NDFIP1: variants seen among roughly 807,000 people sequenced by gnomAD.
NDFIP1 encodes NEDD4 family-interacting protein 1.
In NDFIP1, 7 loss-of-function variants were observed where a neutral mutation model predicts 28.8. That is an observed-to-expected ratio of 0.24 (90% CI 0.14 to 0.46). NDFIP1 has a LOEUF of 0.46. Ranked by LOEUF, NDFIP1 falls within the 20% of genes least tolerant of loss-of-function variation. The pLI, the probability that NDFIP1 is intolerant of heterozygous loss-of-function variation, is 0.99. For missense variants in NDFIP1, 194 were observed against 269.1 expected, an observed-to-expected ratio of 0.72 and a Z score of 1.95; for synonymous variants, 92 against 101.0, an observed-to-expected ratio of 0.91 and a Z score of 0.53.
At chr5:142,131,981 AG>A (rs2126917802) in intron 2 of NDFIP1, 86 bp downstream of exon 2, 1 of 1,313,654 alleles carries the variant, frequency 7.6e-7, no homozygotes, top group East Asian at 2.4e-5. Flanking sequence ...AAGCTTCAGA[AG>A]CAGTTGGAAG....
chr5:142,139,963 TAAAA>T (rs1002240920), intron 5 of NDFIP1, among the ~76,000 whole-genome samples: 1 of 152,150 alleles, frequency 6.6e-6, no homozygotes, highest in African/African-American at 2.4e-5. Flanking sequence ...AAATGTTTTC[TAAAA>T]AAACCAATTT....
chr5:142,141,159 G>A (rs940196999), intron 6 of NDFIP1, among the ~76,000 whole-genome samples: 3 of 144,566 alleles, frequency 2.1e-5, no homozygotes, highest in Non-Finnish European at 3.0e-5. Context: ...TTTACAATAG[G>A]CAAGAGGACT....
chr5:142,151,564 T>G (rs1442001078), intron 7 of NDFIP1, among the ~76,000 whole-genome samples, 167 bp from the exon 8 acceptor site: 1 of 152,226 alleles, frequency 6.6e-6, no homozygotes, highest in Non-Finnish European at 1.5e-5. Context: ...AGAACTGAAA[T>G]TTTAATGTTT....
At chr5:142,122,620 C>T (rs1015149414) in intron 1 of NDFIP1, among the ~76,000 whole-genome samples, 35 of 152,122 alleles carry the variant, frequency 2.3e-4, no homozygotes, top group African/African-American at 6.3e-4. Flanking sequence ...TAGTGTAGTG[C>T]GAGAATTCTG....
chr5:142,116,355 T>TC (rs1182866365), intron 1 of NDFIP1, among the ~76,000 whole-genome samples: 1 of 52,388 alleles, frequency 1.9e-5, no homozygotes, highest in African/African-American at 1.5e-4. Flanking sequence ...TCCTTCTTTC[T>TC]CTCTCTCTCT....
intron 1 of NDFIP1, among the ~76,000 whole-genome samples, chr5:142,130,282 T>G (rs987881022): frequency 6.6e-6 from 1 of 152,206 alleles, no homozygotes; most frequent in Admixed American, 6.5e-5. Context: ...CTATACAGAC[T>G]AGCAACAGCA....
chr5:142,109,803 C>T (rs183866631), intron 1 of NDFIP1, among the ~76,000 whole-genome samples: 13 of 152,174 alleles, frequency 8.5e-5, no homozygotes, highest in African/African-American at 3.1e-4. Flanking sequence ...AAAAGAGCTG[C>T]TTGTTTCACT....
chr5:142,137,070 CAAAA>C lies in NDFIP1; in HGVS notation c.371-645_371-642del, dbSNP rs56227585. ...TGGGTGACAGAGTGAGACTCAGTCT[CAAAA>C]AAAAAAAAAAAAAAAAAAGCAGAGG... On this transcript the variant is annotated intron_variant, in intron 4 of 7. Transcript: ENST00000253814. Among the ~76,000 whole-genome samples, 588 of 94,998 alleles carry C rather than the reference CAAAA, an allele frequency of 6.2e-3. 4 individuals carry two copies. The highest frequency in any genetic ancestry group is 0.021 in the African/African-American group (533 of 24,800). 62.3% of individuals were successfully genotyped at this position (94,998 alleles called of 152,430 possible).
At chr5:142,146,023 A>C (rs1255645408) in intron 7 of NDFIP1, among the ~76,000 whole-genome samples, 1 of 152,224 alleles carries the variant, frequency 6.6e-6, no homozygotes, top group Non-Finnish European at 1.5e-5. Flanking sequence ...AGGCAACAGA[A>C]TCATATAATG....
intron 1 of NDFIP1, among the ~76,000 whole-genome samples, chr5:142,120,522 G>C (rs1757113124): frequency 6.6e-6 from 1 of 152,116 alleles, no homozygotes. Context: ...CCTGTTGCTT[G>C]TAAGTTTTTT....
chr5:142,136,506 G>A (rs1229363912), intron 4 of NDFIP1, among the ~76,000 whole-genome samples: 1 of 152,124 alleles, frequency 6.6e-6, no homozygotes, highest in Non-Finnish European at 1.5e-5. Flanking sequence ...TATAATCCCA[G>A]CACTTTGGGA....
In NDFIP1 at chr5:142,108,901, C is replaced by A; in HGVS notation, c.-74C>A. 1 of 1,309,500 alleles carries A rather than the reference C, an allele frequency of 7.6e-7. No individual in the cohort carries two copies. Among genetic ancestry groups the A allele is most frequent in the African/African-American group, 1.5e-5 (1 of 64,968 alleles). 81.1% of individuals were successfully genotyped at this position (1,309,500 alleles called of 1,614,324 possible). On this transcript the variant is annotated 5_prime_UTR_variant, in exon 1 of 8. Transcript: ENST00000253814. ...GCGCGTCCCCCTCGGCCTCCCAGCG[C>A]TCCCAAGCCGCAGCGGCCGCGCCCC...
At chr5:142,124,097 T>C (rs1294998826) in intron 1 of NDFIP1, among the ~76,000 whole-genome samples, 1 of 152,192 alleles carries the variant, frequency 6.6e-6, no homozygotes, top group Non-Finnish European at 1.5e-5. Context: ...CAAAGGCTCT[T>C]GGCTGTAGGT....
chr5:142,135,362 TA>T (rs1417205283), intron 3 of NDFIP1, among the ~76,000 whole-genome samples: 2 of 152,228 alleles, frequency 1.3e-5, no homozygotes, highest in Admixed American at 6.5e-5. Flanking sequence ...AATGTGTAAG[TA>T]AATTTTGTCT....
chr5:142,118,783 A>G (rs192477212), intron 1 of NDFIP1, among the ~76,000 whole-genome samples: 52 of 152,328 alleles, frequency 3.4e-4, no homozygotes, highest in African/African-American at 1.2e-3. Flanking sequence ...GTATAGACTC[A>G]TAAATATTTA....
intron 1 of NDFIP1, among the ~76,000 whole-genome samples, chr5:142,115,877 T>C (rs971005546): frequency 6.6e-6 from 1 of 152,196 alleles, no homozygotes; most frequent in Non-Finnish European, 1.5e-5. Flanking sequence ...AAAATAACCA[T>C]ACAATAATAA....
At chr5:142,140,000 G>C (rs1180371660) in intron 5 of NDFIP1, among the ~76,000 whole-genome samples, 1 of 152,166 alleles carries the variant, frequency 6.6e-6, no homozygotes, top group African/African-American at 2.4e-5. Context: ...AAAATAAGGA[G>C]TTAATAAAGC....
At chr5:142,151,617 G>A (rs1413822945) in intron 7 of NDFIP1, 114 bp from the exon 8 acceptor site, 1 of 152,356 alleles carries the variant, frequency 6.6e-6, no homozygotes, top group Non-Finnish European at 1.5e-5. Context: ...TTAAAACTAT[G>A]TTAAAATGCA....
At chr5:142,133,561 T>C (rs538116561) in intron 3 of NDFIP1, among the ~76,000 whole-genome samples, 2 of 152,294 alleles carry the variant, frequency 1.3e-5, no homozygotes, top group African/African-American at 4.8e-5. Context: ...CCAAAGTCCT[T>C]GTTTGTTTCA....
Sources: gnomAD v4.1 joint callset for allele counts (sites outside exome capture counted in the v4.1 genomes callset) on GRCh38, gnomAD v4.1.1 for gene constraint, MANE v1.5 for transcripts, NCBI Gene and HGNC (gene_info 2026-07-23, HGNC 2026-07-21) for gene names.